KIRREL2: variants seen among roughly 807,000 people sequenced by gnomAD.
KIRREL2 encodes kin of IRRE-like protein 2.
KIRREL2 carries 56 observed loss-of-function variants against 73.4 expected under a neutral mutation model. The observed-to-expected ratio is 0.76, with a 90% CI of 0.62 to 0.95. KIRREL2 has a LOEUF of 0.95. Among genes scored for constraint, KIRREL2 ranks in the 40% least tolerant of loss-of-function variants. The pLI is 0.00. For synonymous variants in KIRREL2, 407 were observed against 404.0 expected (o/e 1.01, Z -0.09); for missense variants, 896 against 935.0 (o/e 0.96, Z 0.54).
At chr19:35,856,864 G>C (rs910435346), upstream of KIRREL2, 1 of 562,734 alleles carries the variant, frequency 1.8e-6, no homozygotes. This position sits in a 1 kb window ranked among gnomAD's most constrained non-coding sequence, Gnocchi z 5.9. Context: ...CTCCCGGGGG[G>C]CGGACCCGGG....
intron 13 of KIRREL2, among the ~76,000 whole-genome samples, chr19:35,863,345 G>A (rs1973794900): frequency 6.6e-6 from 1 of 152,072 alleles, no homozygotes; most frequent in African/African-American, 2.4e-5. Context: ...GATCCCTTGA[G>A]CACAGGAGGT....
chr19:35,851,916 CTG>C, upstream of KIRREL2: 1 of 1,195,156 alleles, frequency 8.4e-7, no homozygotes, highest in Non-Finnish European at 1.2e-6. Flanking sequence ...GGGTCCCTCT[CTG>C]TGTGTCTCTG....
chr19:35,851,962 C>T (rs1973278309), upstream of KIRREL2: 1 of 783,478 alleles, frequency 1.3e-6, no homozygotes, highest in Non-Finnish European at 2.2e-6. Context: ...CTTTCCGTTA[C>T]TCTCCTCCCT....
Position 35,866,218 on chromosome 19 carries a change from C to T in KIRREL2, c.1853C>T (p.Ala618Val), listed in dbSNP as rs1400062896. 9 of 1,612,622 alleles carry T rather than the reference C, an allele frequency of 5.6e-6. No individual in the cohort carries two copies. Among genetic ancestry groups the T allele is most frequent in the African/African-American group, 1.3e-5 (1 of 74,846 alleles). ...AGTGTGAGCCTGAGCCTTGGCGAAG[C>T]CCCTGGAGGAGGTCTCTTCCTGCCA... is the stretch of plus-strand genomic sequence containing the variant. ...GVSVSLSLGE[A>V]PGGGLFLPPP... Residue 618 changes from alanine to valine, a missense_variant, in exon 15 of 15, where the codon GCC becomes GTC. Ala to Val is a moderately conservative substitution (Grantham distance 64). Coordinates refer to ENST00000360202, the MANE Select transcript of KIRREL2 (RefSeq NM_199180.4).
intron 3 of KIRREL2, 51 bp from the exon 4 acceptor site, chr19:35,858,653 T>C (rs1973532419): frequency 2.5e-6 from 4 of 1,609,100 alleles, no homozygotes; most frequent in African/African-American, 2.7e-5. Flanking sequence ...GCATGGTCAA[T>C]TGGAGCTGAG....
At chr19:35,858,936 A>C in intron 4 of KIRREL2, 72 bp downstream of exon 4, 39 of 1,521,030 alleles carry the variant, frequency 2.6e-5, no homozygotes, top group Non-Finnish European at 3.3e-5. Flanking sequence ...CCACAGGCTC[A>C]TCCAGAAGAG....
upstream of KIRREL2, chr19:35,855,917 T>A (rs1369686649): frequency 6.6e-6 from 1 of 152,120 alleles, no homozygotes; most frequent in African/African-American, 2.4e-5. Context: ...GATCAGGCCA[T>A]CAGCGTCTCA....
In KIRREL2 at chr19:35,857,018, G is replaced by T; in HGVS notation, c.-102G>T. 3 of 1,208,686 alleles carry T rather than the reference G, an allele frequency of 2.5e-6. No individual in the cohort carries two copies. Among genetic ancestry groups the T allele is most frequent in the Non-Finnish European group, 3.7e-6 (3 of 814,500 alleles). The allele number at this position is 1,208,686 out of a possible 1,614,324, so 74.9% of individuals were successfully genotyped here. A position where few individuals can be genotyped will look rare whatever the true frequency, so the allele number is the denominator to read the frequency against. ...GACTAGGCTGGGCGAAGAGTCGAGC[G>T]TGAAGGGGGCTCCGGGCCAGGGTGA... On this transcript the variant is annotated 5_prime_UTR_variant, in exon 1 of 15. Transcript: ENST00000360202.
chr19:35,859,547 G>A lies in KIRREL2; in HGVS notation c.589G>A (p.Asp197Asn). 3 of 1,614,164 alleles carry A rather than the reference G, an allele frequency of 1.9e-6. No individual in the cohort carries two copies. Among genetic ancestry groups the A allele is most frequent in the Non-Finnish European group, 2.5e-6 (3 of 1,180,028 alleles). ...STLTLTPFSH[D>N]DGATFVCRAR... ...CTTAACCCTGACCCCTTTCAGCCAT[G>A]ATGATGGAGCCACCTTTGTCTGCCG... Residue 197 changes from aspartate (D) to asparagine (N), a missense_variant, in exon 5 of 15, where the codon GAT becomes AAT. By Grantham distance (23) the Asp-to-Asn change is conservative. Transcript: ENST00000360202.
Position 35,856,966 on chromosome 19 carries a change from A to C in KIRREL2, c.-154A>C. The stretch of plus-strand genomic sequence containing the variant: ...TTCAGAGCGTCAGAGGCTGCGGATG[A>C]GCAGACTTGGAGGACTCCAGGCCAG... On this transcript the variant is annotated 5_prime_UTR_variant, in exon 1 of 15. Coordinates refer to ENST00000360202, the MANE Select transcript of KIRREL2 (RefSeq NM_199180.4). The surrounding 1 kb of genome is among the most constrained non-coding windows in gnomAD (Gnocchi z 5.9). The C allele has an allele frequency of 1.3e-6, 1 of 789,348 alleles. No homozygotes were observed. The highest frequency in any genetic ancestry group is 1.5e-5 in the South Asian group (1 of 68,220). 48.9% of individuals were successfully genotyped at this position (789,348 alleles called of 1,614,324 possible).
rs1477254481 is a variant in KIRREL2, at chr19:35,857,200, GAGGAATATGGGGT to G, written c.61+21_61+33del. On this transcript the variant is annotated intron_variant, in intron 1 of 14. Transcript: ENST00000360202. Reference sequence around the variant, plus strand: ...GAGCAGGTACCGCACGAGGGGAGCGGAGGAATATGGGGTGGGGGTGGGGAGTTGCTTGCGGGCT... The same window carrying G: ...GAGCAGGTACCGCACGAGGGGAGCGGGGGGGTGGGGAGTTGCTTGCGGGCT... 1 of 1,455,596 alleles carries G rather than the reference GAGGAATATGGGGT, an allele frequency of 6.9e-7. No individual in the cohort carries two copies. The highest frequency in any genetic ancestry group is 2.3e-5 in the East Asian group (1 of 43,968). 90.2% of individuals were successfully genotyped at this position (1,455,596 alleles called of 1,614,324 possible).
In KIRREL2 at chr19:35,861,190, C is replaced by T; in HGVS notation, c.1125C>T (p.Cys375=). The T allele has an allele frequency of 6.4e-7, 1 of 1,572,548 alleles. No individual in the cohort carries two copies. The stretch of plus-strand genomic sequence containing the variant: ...CCGAGGACGCAGGCGACTATGTGTG[C>T]AGAGCTGAGGCTGGGCTATCGGGCC... ...VGPEDAGDYV[C]RAEAGLSGLR... The change falls in exon 9 of 15, where the codon TGC becomes TGT. Residue 375 remains cysteine (C), a synonymous_variant. Transcript: ENST00000360202.
chr19:35,851,739 G>C (rs1316925634), upstream of KIRREL2: 5 of 1,559,526 alleles, frequency 3.2e-6, no homozygotes, highest in Non-Finnish European at 4.3e-6. Flanking sequence ...TGGGAAATGG[G>C]GGCCACTTGG....
chr19:35,866,363 C>T lies in KIRREL2; in HGVS notation c.1998C>T (p.His666=), dbSNP rs1221009325. 18 of 1,613,480 alleles carry T rather than the reference C, an allele frequency of 1.1e-5. No homozygotes were observed. The highest frequency in any genetic ancestry group is 1.5e-5 in the Non-Finnish European group (18 of 1,179,498). ...GGGCAGGCTATCTCACCACACCCCA[C>T]CCTCGAGCTTTCACCAGCTACATCA... ...RARAGYLTTP[H]PRAFTSYIKP... The change falls in exon 15 of 15, where the codon CAC becomes CAT. Residue 666 remains histidine, a synonymous_variant. Transcript: ENST00000360202.
At chr19:35,860,731 T>G (rs1290010481) in intron 7 of KIRREL2, 64 bp downstream of exon 7, 6 of 1,592,618 alleles carry the variant, frequency 3.8e-6, no homozygotes, top group East Asian at 4.5e-5. Flanking sequence ...CTGTTGAGGG[T>G]CGGGGCCTGG....
Position 35,857,477 on chromosome 19 carries a change from G to A in KIRREL2, c.194G>A (p.Gly65Asp), listed in dbSNP as rs1462400969. ...QWTKSGLALG[G>D]QRDLPGWSRY... ...ACTAAGAGTGGGCTGGCCCTAGGGG[G>A]CCAAAGGGACCTACCAGGTAAGAGT... The change falls in exon 2 of 15, where the codon GGC becomes GAC. Residue 65 changes from glycine to aspartate, a missense_variant. Gly to Asp is a moderately conservative substitution (Grantham distance 94, BLOSUM62 -1). Coordinates refer to ENST00000360202, the MANE Select transcript of KIRREL2 (RefSeq NM_199180.4). The A allele has an allele frequency of 2.5e-6, 4 of 1,598,520 alleles. No homozygotes were observed. In the Admixed American group the frequency reaches 7.0e-5, roughly 28 times the overall value.
At chr19:35,864,172 C>T (rs1438604252) in intron 13 of KIRREL2, among the ~76,000 whole-genome samples, 2 of 122,012 alleles carry the variant, frequency 1.6e-5, no homozygotes, top group South Asian at 2.5e-4. Context: ...CCCCACAGCC[C>T]GTTTTTGTTG....
upstream of KIRREL2, among the ~76,000 whole-genome samples, chr19:35,852,264 C>T (rs187539929): frequency 7.9e-5 from 12 of 151,660 alleles, no homozygotes; most frequent in South Asian, 4.2e-4. Context: ...TTGTCTAAGC[C>T]GTTCTCTCTC....
At chr19:35,852,265 G>A (rs954284707), upstream of KIRREL2, among the ~76,000 whole-genome samples, 4 of 150,418 alleles carry the variant, frequency 2.7e-5, no homozygotes, top group South Asian at 4.2e-4. Context: ...TGTCTAAGCC[G>A]TTCTCTCTCC....
Sources: gnomAD v4.1 joint callset for allele counts (sites outside exome capture counted in the v4.1 genomes callset) on GRCh38, gnomAD v4.1.1 for gene constraint, Gnocchi (gnomAD v3.1) non-coding constraint, MANE v1.5 for transcripts, NCBI Gene and HGNC (gene_info 2026-07-23, HGNC 2026-07-21) for gene names.